TENM1: variants seen among roughly 807,000 people sequenced by gnomAD.
The protein encoded by TENM1 is teneurin transmembrane protein 1.
In TENM1, 35 loss-of-function variants were observed where a neutral mutation model predicts 174.8. The observed-to-expected ratio is 0.20, with a 90% CI of 0.15 to 0.27. The LOEUF is 0.27. Among genes scored for constraint, TENM1 ranks in the 10% least tolerant of loss-of-function variants. TENM1 has a pLI of 1.00. For missense variants in TENM1, 1,633 were observed against 2,130.1 expected (o/e 0.77, Z 4.59); for synonymous variants, 781 against 798.7 (o/e 0.98, Z 0.37).
chrX:124,957,203 ATGGATGGATGGATGGATGGT>A (rs1350496304), intron 1 of TENM1, among the ~76,000 whole-genome samples: 1 of 110,317 alleles, frequency 9.1e-6, no homozygotes, highest in Non-Finnish European at 1.9e-5. Context: ...GGATAGATGG[ATGGATGGATGGATGGATGGT>A]TGGATGGATG....
At position 124,442,884 on chromosome X, in the gene TENM1, A is replaced by T. The variant is rs182299698; in HGVS notation, c.4104+10453T>A. On this transcript the variant is annotated intron_variant, in intron 23 of 31. Coordinates refer to ENST00000422452, the Ensembl canonical transcript of TENM1. ...CGTCCTGTTGCCCAGGTTGGTCTTGAACTCCTGAGGCTCAAGTGATCTGCC... is the reference window on the plus strand; with the variant it reads ...CGTCCTGTTGCCCAGGTTGGTCTTGTACTCCTGAGGCTCAAGTGATCTGCC... Among the ~76,000 whole-genome samples, 494 of 110,029 alleles carry T rather than the reference A, an allele frequency of 4.5e-3. 3 individuals are homozygous for T. Among genetic ancestry groups the T allele is most frequent in the Middle Eastern group, 0.019 (4 of 212 alleles).
At chrX:124,465,018 A>G (rs1235271347) in intron 22 of TENM1, among the ~76,000 whole-genome samples, 1 of 111,669 alleles carries the variant, frequency 9.0e-6, no homozygotes, top group Non-Finnish European at 1.9e-5. Context: ...TGAGAGGTGG[A>G]GTAAAGAGTC....
At chrX:124,678,978 G>T (rs987936243) in intron 5 of TENM1, among the ~76,000 whole-genome samples, 2 of 111,414 alleles carry the variant, frequency 1.8e-5, no homozygotes, top group Non-Finnish European at 3.8e-5. Context: ...AGTTAACCTT[G>T]AAATTATAAG....
intron 1 of TENM1, among the ~76,000 whole-genome samples, chrX:124,916,776 T>TTCTCTCTC (rs376505358): frequency 4.9e-5 from 5 of 101,976 alleles, no homozygotes; most frequent in African/African-American, 1.8e-4. Flanking sequence ...TTCACCCCCT[T>TTCTCTCTC]TCTCTCTCTC....
At chrX:125,192,797 G>A in the TENM1 span, among the ~76,000 whole-genome samples, 2 of 107,201 alleles carry the variant, frequency 1.9e-5, no homozygotes. Flanking sequence ...TACAAATTGT[G>A]GTAAGAACAT....
chrX:125,070,286 G>C, the TENM1 span, among the ~76,000 whole-genome samples: 4 of 111,004 alleles, frequency 3.6e-5, no homozygotes, highest in East Asian at 1.1e-3. Flanking sequence ...GATTAGTGAT[G>C]GTGAGCATTT....
intron 22 of TENM1, among the ~76,000 whole-genome samples, chrX:124,469,146 T>C (rs967912017): frequency 5.3e-5 from 6 of 112,225 alleles, no homozygotes; most frequent in Non-Finnish European, 1.1e-4. Context: ...AGAATTAAAT[T>C]AGGGCTGTGT....
chrX:124,696,122 T>G (rs2052642672), intron 5 of TENM1, among the ~76,000 whole-genome samples: 1 of 112,098 alleles, frequency 8.9e-6, no homozygotes, highest in Admixed American at 9.5e-5. Context: ...GTGCTATCTC[T>G]ACAACATTCT....
intron 6 of TENM1, among the ~76,000 whole-genome samples, chrX:124,671,378 C>T (rs186859224): frequency 3.3e-4 from 37 of 111,676 alleles, no homozygotes; most frequent in African/African-American, 1.0e-3. Flanking sequence ...CAAAATCCCA[C>T]GTTGCTTCAG....
intron 23 of TENM1, among the ~76,000 whole-genome samples, chrX:124,424,852 C>A (rs2060693431): frequency 9.0e-6 from 1 of 110,749 alleles, no homozygotes; most frequent in Admixed American, 9.6e-5. Flanking sequence ...TGTGAGGTGC[C>A]AGCTCCCCTT....
chrX:124,685,476 C>A (rs1202338761), intron 5 of TENM1, among the ~76,000 whole-genome samples: 1 of 110,327 alleles, frequency 9.1e-6, no homozygotes, highest in Non-Finnish European at 1.9e-5. Flanking sequence ...AAAGGCAGGT[C>A]ATCTGAAATT....
intron 3 of TENM1, among the ~76,000 whole-genome samples, chrX:124,812,004 T>C (rs1206619045): frequency 9.0e-6 from 1 of 111,208 alleles, no homozygotes; most frequent in Non-Finnish European, 1.9e-5. Flanking sequence ...GAAGTGAAAA[T>C]TGTATTTTCT....
the TENM1 span, among the ~76,000 whole-genome samples, chrX:125,163,712 C>A: frequency 5.3e-4 from 59 of 110,384 alleles, no homozygotes; most frequent in Non-Finnish European, 1.0e-3. Context: ...TCACTTTTTC[C>A]TTCTCATCCT....
chrX:124,898,599 T>C (rs923313800), intron 1 of TENM1, among the ~76,000 whole-genome samples: 3 of 110,169 alleles, frequency 2.7e-5, no homozygotes, highest in Non-Finnish European at 5.7e-5. Flanking sequence ...ATGGCATTCG[T>C]TGGAAAAGGT....
At chrX:124,936,768 C>T (rs951245014) in intron 1 of TENM1, among the ~76,000 whole-genome samples, 3 of 111,809 alleles carry the variant, frequency 2.7e-5, no homozygotes, top group Non-Finnish European at 3.8e-5. Context: ...ATAACTAGGC[C>T]GGGCATGGTG....
At chrX:124,907,702 T>C (rs2057772231) in intron 1 of TENM1, among the ~76,000 whole-genome samples, 1 of 112,042 alleles carries the variant, frequency 8.9e-6, no homozygotes, top group Non-Finnish European at 1.9e-5. Context: ...TACCCTTTGT[T>C]TACCATTAAT....
intron 5 of TENM1, among the ~76,000 whole-genome samples, chrX:124,690,455 T>A (rs919150290): frequency 4.6e-5 from 5 of 108,846 alleles, no homozygotes; most frequent in Non-Finnish European, 7.6e-5. Flanking sequence ...AATAAAAAAA[T>A]TTTTAGATTT....
chrX:124,883,934 C>G (rs1380373625), intron 3 of TENM1, among the ~76,000 whole-genome samples: 1 of 111,072 alleles, frequency 9.0e-6, no homozygotes, highest in Non-Finnish European at 1.9e-5. Context: ...AGGGCCTCCT[C>G]TTGTGGTGCA....
intron 4 of TENM1, among the ~76,000 whole-genome samples, chrX:124,729,548 G>A (rs539702359): frequency 3.5e-4 from 39 of 112,010 alleles, no homozygotes; most frequent in African/African-American, 1.2e-3. Context: ...CCATCTTTCC[G>A]GGTTGCAAAA....
Sources: gnomAD v4.1 joint callset for allele counts (sites outside exome capture counted in the v4.1 genomes callset) on GRCh38, gnomAD v4.1.1 for gene constraint, MANE v1.5 for transcripts, NCBI Gene and HGNC (gene_info 2026-07-23, HGNC 2026-07-21) for gene names.